Variants in CREB5 observed in about 807,000 individuals in gnomAD.
CREB5 encodes the protein cAMP responsive element binding protein 5, also known as cyclic AMP-responsive element-binding protein 5.
Under a neutral mutation model 57.1 loss-of-function variants are expected in CREB5, and 19 were observed. The ratio of observed to expected loss-of-function variants is 0.33; its 90% CI spans 0.23 to 0.49. The LOEUF (loss-of-function observed/expected upper bound fraction) is 0.49. CREB5 is among the 20% of genes least tolerant of loss of function. The pLI is 0.99. For missense variants in CREB5, 579 were observed against 671.6 expected (o/e 0.86, Z 1.52); for synonymous variants, 238 against 238.3 (o/e 1.00, Z 0.01).
chr7:28,714,576 G>C (rs552272156), intron 5 of CREB5, among the ~76,000 whole-genome samples: 15 of 152,330 alleles, frequency 9.8e-5, no homozygotes, highest in African/African-American at 3.6e-4. Context: ...CCCCTAGACA[G>C]GAAAACATCC....
intron 7 of CREB5, among the ~76,000 whole-genome samples, chr7:28,772,393 G>A (rs531641327): frequency 1.0e-3 from 158 of 152,270 alleles, no homozygotes; most frequent in African/African-American, 3.4e-3. Context: ...CAGGTGGAAC[G>A]GGGAGCCCAA....
chr7:28,332,231 T>C (rs1785730600), intron 1 of CREB5, among the ~76,000 whole-genome samples: 1 of 152,112 alleles, frequency 6.6e-6, no homozygotes, highest in African/African-American at 2.4e-5. Flanking sequence ...AGAACCTCTG[T>C]GAGGAGTGTG....
At chr7:28,465,194 T>A (rs1790514335) in intron 1 of CREB5, among the ~76,000 whole-genome samples, 1 of 152,086 alleles carries the variant, frequency 6.6e-6, no homozygotes, top group South Asian at 2.1e-4. Context: ...ACTGTAGAGG[T>A]AGAGAGTGAG....
intron 1 of CREB5, among the ~76,000 whole-genome samples, chr7:28,308,559 AC>A (rs1785225525): frequency 6.6e-6 from 1 of 152,142 alleles, no homozygotes; most frequent in South Asian, 2.1e-4. Context: ...CTGGACTCAA[AC>A]CCAGGCTGCC....
intron 1 of CREB5, among the ~76,000 whole-genome samples, chr7:28,402,822 A>T (rs1293376603): frequency 1.3e-5 from 2 of 152,236 alleles, no homozygotes; most frequent in Middle Eastern, 3.2e-3. Flanking sequence ...AAATTGACAA[A>T]TGCGATCTAA....
At chr7:28,356,668 A>T (rs1213324609) in intron 1 of CREB5, among the ~76,000 whole-genome samples, 1 of 152,204 alleles carries the variant, frequency 6.6e-6, no homozygotes, top group Non-Finnish European at 1.5e-5. Flanking sequence ...GTACAGGTAG[A>T]TGGCCTAGGG....
At chr7:28,686,239 AT>A (rs201137678) in intron 5 of CREB5, 45 of 1,540,756 alleles carry the variant, frequency 2.9e-5, no homozygotes, top group South Asian at 1.5e-4. Context: ...GATTTTATAG[AT>A]TTTTTTTGCC....
intron 8 of CREB5, among the ~76,000 whole-genome samples, chr7:28,807,696 T>C (rs1253358973): frequency 1.3e-5 from 2 of 152,152 alleles, no homozygotes; most frequent in Non-Finnish European, 2.9e-5. Context: ...TTTTAAAACT[T>C]TTGGCCTGTT....
At position 28,560,996 on chromosome 7, in the gene CREB5, C is replaced by CGCG. The variant is rs1562798364; in HGVS notation, c.292-9369_292-9368insGCG. Among the ~76,000 whole-genome samples, 26 of 42,338 alleles carry CGCG rather than the reference C, an allele frequency of 6.1e-4. 4 individuals carry two copies. The highest frequency in any genetic ancestry group is 1.8e-3 in the African/African-American group (21 of 11,436). 27.8% of individuals were successfully genotyped at this position (42,338 alleles called of 152,430 possible). ...TGCGTGTGTGCGTGCGTGTGTGTGC[C>CGCG]TGCGTGTGCGTGTGTGTGTGCGTGT... On this transcript the variant is annotated intron_variant, in intron 4 of 10. Coordinates refer to ENST00000357727, the MANE Select transcript of CREB5 (RefSeq NM_182898.4).
intron 4 of CREB5, among the ~76,000 whole-genome samples, chr7:28,566,611 G>A (rs1458125394): frequency 1.3e-5 from 2 of 152,114 alleles, no homozygotes; most frequent in Non-Finnish European, 2.9e-5. Context: ...CCATAATTGG[G>A]ACAATGTGAA....
At chr7:28,749,799 G>C (rs1804877923) in intron 7 of CREB5, among the ~76,000 whole-genome samples, 1 of 152,106 alleles carries the variant, frequency 6.6e-6, no homozygotes, top group Non-Finnish European at 1.5e-5. Flanking sequence ...AGTACGAATA[G>C]AAGAAGTGTT....
chr7:28,302,253 T>G (rs1365449575), intron 1 of CREB5, among the ~76,000 whole-genome samples: 1 of 151,222 alleles, frequency 6.6e-6, no homozygotes, highest in Non-Finnish European at 1.5e-5. Flanking sequence ...AATTTGAGGG[T>G]TTTTTTGGAC....
chr7:28,424,081 C>A (rs189729184), intron 1 of CREB5, among the ~76,000 whole-genome samples: 6 of 152,348 alleles, frequency 3.9e-5, no homozygotes, highest in Admixed American at 1.3e-4. Context: ...CTTCTTCTGT[C>A]TTCTCTGTGA....
chr7:28,508,958 T>C (rs554828349), intron 4 of CREB5, among the ~76,000 whole-genome samples: 1 of 152,340 alleles, frequency 6.6e-6, no homozygotes, highest in East Asian at 1.9e-4. Context: ...ATGCATTCTA[T>C]ATTTTGTTGC....
intron 5 of CREB5, among the ~76,000 whole-genome samples, chr7:28,612,760 G>A (rs1441547606): frequency 1.3e-5 from 2 of 152,042 alleles, no homozygotes; most frequent in African/African-American, 2.4e-5. Flanking sequence ...AATAAATTTC[G>A]TGTCAGAAAT....
chr7:28,537,087 C>T (rs1793991280), intron 4 of CREB5, among the ~76,000 whole-genome samples: 1 of 152,130 alleles, frequency 6.6e-6, no homozygotes, highest in African/African-American at 2.4e-5. Context: ...AGGATTGGCT[C>T]CATTTTTAAG....
intron 5 of CREB5, among the ~76,000 whole-genome samples, chr7:28,616,950 G>A (rs1354050807): frequency 2.6e-5 from 4 of 152,146 alleles, no homozygotes; most frequent in Non-Finnish European, 5.9e-5. Flanking sequence ...AAAGCATAAA[G>A]CTTAGGCGTA....
At chr7:28,311,404 C>G (rs1037805335) in intron 1 of CREB5, among the ~76,000 whole-genome samples, 1 of 152,222 alleles carries the variant, frequency 6.6e-6, no homozygotes, top group Admixed American at 6.5e-5. Flanking sequence ...GGGAACTGAG[C>G]AGTTAAAACC....
rs73687608 is a variant in CREB5, at chr7:28,568,531, G to C, written c.292-1834G>C. The stretch of plus-strand genomic sequence containing the variant: ...AAATCTCTAGATCCTATAAAAAAAC[G>C]AAAGTGTGTTCCTGCACTGCCACCA... On this transcript the variant is annotated intron_variant, in intron 4 of 10. Coordinates refer to ENST00000357727, the MANE Select transcript of CREB5 (RefSeq NM_182898.4). Among the ~76,000 whole-genome samples the C allele has an allele frequency of 9.7e-3, 1,474 of 152,198 alleles. 25 individuals are homozygous for C. The highest frequency in any genetic ancestry group is 0.034 in the African/African-American group (1,396 of 41,524).
Sources: gnomAD v4.1 joint callset for allele counts (sites outside exome capture counted in the v4.1 genomes callset) on GRCh38, gnomAD v4.1.1 for gene constraint, MANE v1.5 for transcripts, NCBI Gene and HGNC (gene_info 2026-07-23, HGNC 2026-07-21) for gene names.